Variants in NCAM2 observed in about 807,000 individuals in gnomAD.
NCAM2 encodes the protein N-CAM-2.
Under a neutral mutation model 98.1 loss-of-function variants are expected in NCAM2, and 30 were observed. The ratio of observed to expected loss-of-function variants is 0.31; its 90% CI spans 0.23 to 0.41. NCAM2 has a LOEUF of 0.41. NCAM2 is among the 10% of genes least tolerant of loss of function. The pLI, the probability that NCAM2 is intolerant of heterozygous loss-of-function variation, is 1.00. For synonymous variants in NCAM2, 368 were observed against 342.4 expected (o/e 1.07, Z -0.83); for missense variants, 867 against 1,005.8 (o/e 0.86, Z 1.87).
chr21:21,406,037 A>G (rs2076731465), intron 9 of NCAM2, among the ~76,000 whole-genome samples: 1 of 152,142 alleles, frequency 6.6e-6, no homozygotes, highest in East Asian at 1.9e-4. Context: ...CTCTTTAAGA[A>G]AGGGAATCAA....
chr21:21,100,155 T>A (rs2066210865), intron 1 of NCAM2, among the ~76,000 whole-genome samples: 1 of 151,918 alleles, frequency 6.6e-6, no homozygotes, highest in East Asian at 1.9e-4. Flanking sequence ...GAAACCACAG[T>A]TTAAAAAATG....
intron 8 of NCAM2, among the ~76,000 whole-genome samples, chr21:21,373,647 G>A (rs1355951548): frequency 6.6e-6 from 1 of 151,624 alleles, no homozygotes; most frequent in Non-Finnish European, 1.5e-5. Context: ...TACAGCCAGG[G>A]TACAGGAAAC....
intron 1 of NCAM2, among the ~76,000 whole-genome samples, chr21:21,234,193 A>G (rs1053203750): frequency 6.6e-6 from 1 of 151,886 alleles, no homozygotes. Context: ...ATTCATTAAC[A>G]ATCTACAATG....
chr21:21,282,159 T>C (rs1325487035), intron 2 of NCAM2, among the ~76,000 whole-genome samples: 1 of 151,998 alleles, frequency 6.6e-6, no homozygotes, highest in South Asian at 2.1e-4. Context: ...CATCCATATT[T>C]TATTAATATC....
intron 15 of NCAM2, among the ~76,000 whole-genome samples, chr21:21,501,665 A>G (rs979840710): frequency 6.7e-6 from 1 of 150,108 alleles, no homozygotes; most frequent in Non-Finnish European, 1.5e-5. Flanking sequence ...GACTATCCAG[A>G]TGTTTGACTT....
intron 1 of NCAM2, among the ~76,000 whole-genome samples, chr21:21,029,513 G>A (rs1321143063): frequency 6.6e-6 from 1 of 152,052 alleles, no homozygotes; most frequent in African/African-American, 2.4e-5. Flanking sequence ...TTAGGACAGT[G>A]GATTTGTAGT....
intron 1 of NCAM2, among the ~76,000 whole-genome samples, chr21:21,040,410 T>A (rs6518047): frequency 6.6e-6 from 1 of 151,982 alleles, no homozygotes; most frequent in African/African-American, 2.4e-5. Flanking sequence ...TTTAGATATA[T>A]GAATATATAT....
chr21:21,197,995 C>T (rs1383599486), intron 1 of NCAM2, among the ~76,000 whole-genome samples: 3 of 152,126 alleles, frequency 2.0e-5, no homozygotes, highest in African/African-American at 7.2e-5. Context: ...TCCTCCTCTG[C>T]CAAATTATGT....
intron 11 of NCAM2, among the ~76,000 whole-genome samples, chr21:21,419,587 AC>A (rs1179890820): frequency 7.4e-6 from 1 of 135,270 alleles, no homozygotes; most frequent in African/African-American, 2.8e-5. Context: ...TTCAGTTCCC[AC>A]CTATGAGTGA....
intron 1 of NCAM2, among the ~76,000 whole-genome samples, chr21:21,212,572 G>A (rs2069699331): frequency 6.6e-6 from 1 of 152,090 alleles, no homozygotes; most frequent in Admixed American, 6.6e-5. Context: ...AATGAATACA[G>A]GTAAACCTGG....
intron 5 of NCAM2, among the ~76,000 whole-genome samples, chr21:21,311,499 C>T (rs1344667863): frequency 6.6e-6 from 1 of 152,040 alleles, no homozygotes; most frequent in African/African-American, 2.4e-5. Context: ...CGCCACCACG[C>T]CCAGCTAATT....
intron 12 of NCAM2, among the ~76,000 whole-genome samples, chr21:21,460,567 C>T (rs1233034262): frequency 1.3e-5 from 2 of 151,966 alleles, no homozygotes; most frequent in Non-Finnish European, 2.9e-5. Flanking sequence ...ATAGATTTAA[C>T]AAGTGCTCTC....
chr21:21,514,342 G>C (rs969356022), intron 16 of NCAM2, among the ~76,000 whole-genome samples: 5 of 151,464 alleles, frequency 3.3e-5, no homozygotes, highest in Non-Finnish European at 7.4e-5. Context: ...TAGGCATGGT[G>C]GTGGGTGCCT....
At position 21,509,009 on chromosome 21, in the gene NCAM2, T is replaced by A; in HGVS notation, c.2236T>A (p.Ser746Thr). The A allele has an allele frequency of 6.2e-7, 1 of 1,613,498 alleles. No individual in the cohort carries two copies. Among genetic ancestry groups the A allele is most frequent in the Non-Finnish European group, 8.5e-7 (1 of 1,179,738 alleles). Residue 746 changes from serine (S) to threonine (T), a missense_variant, in exon 16 of 18, where the codon TCC (serine) becomes ACC (threonine). By Grantham distance (58) the Ser-to-Thr change is moderately conservative. This residue lies in a region of NCAM2 where 125 missense variants were observed against 116.1 expected (regional missense o/e 1.08). Coordinates refer to ENST00000400546, the MANE Select transcript of NCAM2 (RefSeq NM_004540.5). ...TRRMCGKKSG[S>T]SGKSKELEEG... ...GAGAATGTGTGGAAAGAAAAGTGGC[T>A]CCAGTGGCAAAAGTAAAGAACTCGA...
rs370473016 is a variant in NCAM2, at chr21:21,293,795, T to A, written c.619+1554T>A. Among the ~76,000 whole-genome samples the A allele has an allele frequency of 3.3e-5, 5 of 151,848 alleles. No homozygotes were observed. The East Asian group carries it at 7.8e-4, about 24-fold the overall frequency. On this transcript the variant is annotated intron_variant, in intron 5 of 17. Coordinates refer to ENST00000400546, the MANE Select transcript of NCAM2 (RefSeq NM_004540.5). ...TACCATACTTTGTATCCAAAAAGAT[T>A]TATGATGAAATATGTAAGTGTATTT...
At position 21,532,799 on chromosome 21, in the gene NCAM2, A is replaced by G. The variant is rs1989779525; in HGVS notation, c.2283-1738A>G. ...AAACTAACACACAAACAGACCAAAC[A>G]ACATTAAGATCCAGTGGTGGTGGGC... On this transcript the variant is annotated intron_variant, in intron 16 of 17. Transcript: ENST00000400546. 2.0e-5 allele frequency among the ~76,000 whole-genome samples: 3 copies of G among 152,142 alleles called. No individual in the cohort carries two copies. The South Asian group carries it at 6.2e-4, about 31-fold the overall frequency.
chr21:21,314,621 G>C (rs539363614), intron 5 of NCAM2, among the ~76,000 whole-genome samples: 1 of 152,182 alleles, frequency 6.6e-6, no homozygotes, highest in South Asian at 2.1e-4. Context: ...CATTTTGGTA[G>C]TGTCTAAGAA....
chr21:21,391,204 A>G (rs548563191), intron 9 of NCAM2, among the ~76,000 whole-genome samples: 52 of 152,216 alleles, frequency 3.4e-4, no homozygotes, highest in African/African-American at 1.2e-3. Context: ...AATAGTAATA[A>G]TAGAAATAAT....
At chr21:21,459,715 G>T (rs1982682758) in intron 12 of NCAM2, among the ~76,000 whole-genome samples, 1 of 151,636 alleles carries the variant, frequency 6.6e-6, no homozygotes, top group Non-Finnish European at 1.5e-5. Context: ...AATGGTGGTT[G>T]CCAGGAGTGA....
Sources: gnomAD v4.1 joint callset for allele counts (sites outside exome capture counted in the v4.1 genomes callset) on GRCh38, gnomAD v4.1.1 for gene constraint, gnomAD v4.1.1 regional missense constraint, MANE v1.5 for transcripts, NCBI Gene and HGNC (gene_info 2026-07-23, HGNC 2026-07-21) for gene names.